ARHGAP29: variants seen among roughly 807,000 people sequenced by gnomAD.
ARHGAP29 encodes rho GTPase-activating protein 29.
A neutral mutation model predicts 122.6 loss-of-function variants in ARHGAP29; 43 were observed. That is an observed-to-expected ratio of 0.35 (90% confidence interval 0.27 to 0.45). The LOEUF is 0.45. ARHGAP29 is among the 20% of genes least tolerant of loss of function. ARHGAP29 has a pLI of 1.00. For missense variants in ARHGAP29, 1,303 were observed against 1,477.2 expected (o/e 0.88, Z 1.93); for synonymous variants, 506 against 497.1 (o/e 1.02, Z -0.24).
At chr1:94,194,461 C>T (rs987253960) in intron 12 of ARHGAP29, 1 of 152,170 alleles carries the variant, frequency 6.6e-6, no homozygotes, top group Non-Finnish European at 1.5e-5. Context: ...AAAAATACCA[C>T]AGAGTGACTT....
intron 1 of ARHGAP29, among the ~76,000 whole-genome samples, chr1:94,257,941 C>G (rs755030419): frequency 6.6e-6 from 1 of 152,166 alleles, no homozygotes; most frequent in Non-Finnish European, 1.5e-5. Flanking sequence ...ATAACTCACT[C>G]CATACCTTTT....
At chr1:94,178,529 G>A (rs1649256188) in intron 20 of ARHGAP29, among the ~76,000 whole-genome samples, 1 of 152,114 alleles carries the variant, frequency 6.6e-6, no homozygotes, top group Non-Finnish European at 1.5e-5. Flanking sequence ...CCATCTCCAA[G>A]TCTAGATGAT....
intron 12 of ARHGAP29, chr1:94,194,035 G>T (rs1376095966): frequency 6.6e-6 from 1 of 152,112 alleles, no homozygotes; most frequent in African/African-American, 2.4e-5. Context: ...TGATGCTTCT[G>T]TGTTCCACTT....
chr1:94,203,270 C>T (rs1650979662), intron 8 of ARHGAP29, 60 bp from the exon 9 acceptor site: 1 of 1,162,116 alleles, frequency 8.6e-7, no homozygotes, highest in African/African-American at 1.6e-5. Flanking sequence ...ATTCCAAACA[C>T]ATCACTACCC....
chr1:94,220,011 C>T (rs921100872), intron 3 of ARHGAP29, among the ~76,000 whole-genome samples: 1 of 152,180 alleles, frequency 6.6e-6, no homozygotes. Context: ...TTTTAAACAT[C>T]AGTTGTTTGG....
At chr1:94,295,460 G>A in the ARHGAP29 span, among the ~76,000 whole-genome samples, 415 of 152,178 alleles carry the variant, frequency 2.7e-3, 1 homozygote, top group African/African-American at 9.7e-3. Flanking sequence ...TAAGAAGATT[G>A]TACTCAGACA....
Position 94,169,631 on chromosome 1 carries a change from GAC to G in ARHGAP29, c.*4236_*4237del, listed in dbSNP as rs1243561448. Among the ~76,000 whole-genome samples the G allele has an allele frequency of 2.0e-5, 3 of 152,160 alleles. No homozygotes were observed. Among genetic ancestry groups the G allele is most frequent in the African/African-American group, 4.8e-5 (2 of 41,438 alleles). On this transcript the variant is annotated 3_prime_UTR_variant, in exon 23 of 23. Coordinates refer to ENST00000260526, the MANE Select transcript of ARHGAP29 (RefSeq NM_004815.4). ...AGGTGACTATTCTTGAATGTGTGTA[GAC>G]ACACGTTTTCCTTTGAGCTGTTCAC... is the stretch of plus-strand genomic sequence containing the variant.
At chr1:94,223,289 C>T (rs1048446701) in intron 2 of ARHGAP29, among the ~76,000 whole-genome samples, 3 of 152,060 alleles carry the variant, frequency 2.0e-5, no homozygotes, top group Admixed American at 6.6e-5. Flanking sequence ...GGTAGGTTTA[C>T]TTAGTTGAGG....
Position 94,184,076 on chromosome 1 carries a change from T to C in ARHGAP29, c.2247+75A>G, listed in dbSNP as rs1649642729. On this transcript the variant is annotated intron_variant, in intron 19 of 22. Coordinates refer to ENST00000260526, the MANE Select transcript of ARHGAP29 (RefSeq NM_004815.4). ...CCAATGAAAAAACATGTGTAGCAAA[T>C]GTTATCAGCAAAATACAAATCATAT... is the stretch of plus-strand genomic sequence containing the variant. 4.0e-6 allele frequency: 6 copies of C among 1,505,616 alleles called. No individual in the cohort carries two copies. The East Asian group carries it at 1.4e-4, about 34-fold the overall frequency. The allele number at this position is 1,505,616 out of a possible 1,614,324, so 93.3% of individuals were successfully genotyped here.
At chr1:94,282,969 C>T in the ARHGAP29 span, among the ~76,000 whole-genome samples, 8 of 152,258 alleles carry the variant, frequency 5.3e-5, no homozygotes, top group South Asian at 1.7e-3. Context: ...CCTCCTATCC[C>T]TCCTACTCTC....
intron 1 of ARHGAP29, among the ~76,000 whole-genome samples, chr1:94,261,456 G>A (rs1428277146): frequency 1.3e-5 from 2 of 152,162 alleles, no homozygotes; most frequent in East Asian, 3.9e-4. Context: ...TTGTAGTTTA[G>A]AAGTAAGGTT....
the ARHGAP29 span, among the ~76,000 whole-genome samples, chr1:94,285,260 G>A: frequency 2.0e-5 from 3 of 151,910 alleles, no homozygotes; most frequent in Non-Finnish European, 2.9e-5. Flanking sequence ...GCAGTCATGA[G>A]TTTCAGTCAT....
chr1:94,200,264 T>C (rs1220310193), intron 12 of ARHGAP29, among the ~76,000 whole-genome samples: 2 of 152,174 alleles, frequency 1.3e-5, no homozygotes, highest in Non-Finnish European at 2.9e-5. Context: ...ATTTTTAAGA[T>C]AGCTAAAACA....
At chr1:94,291,846 T>G in the ARHGAP29 span, among the ~76,000 whole-genome samples, 1 of 152,222 alleles carries the variant, frequency 6.6e-6, no homozygotes, top group Non-Finnish European at 1.5e-5. Flanking sequence ...GGCTTCCCTT[T>G]GTGGGTAACC....
intron 1 of ARHGAP29, among the ~76,000 whole-genome samples, chr1:94,249,952 A>T (rs1357458489): frequency 6.6e-6 from 1 of 151,984 alleles, no homozygotes; most frequent in Admixed American, 6.6e-5. Context: ...TTCTGGAGGG[A>T]TGTTGAGGGC....
At chr1:94,206,362 C>T (rs919763870) in intron 5 of ARHGAP29, among the ~76,000 whole-genome samples, 2 of 152,040 alleles carry the variant, frequency 1.3e-5, no homozygotes, top group Non-Finnish European at 2.9e-5. Context: ...CAAATTTAAT[C>T]GATTTAAATT....
intron 13 of ARHGAP29, 65 bp downstream of exon 13, chr1:94,189,861 G>C: frequency 6.6e-7 from 1 of 1,518,544 alleles, no homozygotes. Context: ...CCTTGTACTA[G>C]ATAGAAACTT....
chr1:94,218,093 T>A (rs1346952361), intron 3 of ARHGAP29, among the ~76,000 whole-genome samples: 1 of 152,196 alleles, frequency 6.6e-6, no homozygotes. Context: ...ATTAAGTTGA[T>A]TTGACCTCAA....
intron 19 of ARHGAP29, among the ~76,000 whole-genome samples, chr1:94,183,003 A>G (rs932048630): frequency 6.6e-6 from 1 of 152,178 alleles, no homozygotes; most frequent in Admixed American, 6.5e-5. Context: ...TACCACTGTA[A>G]GATGACTGTA....
Sources: gnomAD v4.1 joint callset for allele counts (sites outside exome capture counted in the v4.1 genomes callset) on GRCh38, gnomAD v4.1.1 for gene constraint, MANE v1.5 for transcripts, NCBI Gene and HGNC (gene_info 2026-07-23, HGNC 2026-07-21) for gene names.